The following POFUT1 variants were observed in gnomAD, a reference collection of about 807,000 sequenced individuals.
POFUT1 encodes the protein GDP-fucose protein O-fucosyltransferase 1.
A neutral mutation model predicts 42.4 loss-of-function variants in POFUT1; 16 were observed. That is an observed-to-expected ratio of 0.38 (90% CI 0.26 to 0.57). POFUT1 has a LOEUF of 0.57. POFUT1 is among the 20% of genes least tolerant of loss of function. The probability of loss-of-function intolerance (pLI) is 0.71; values close to 1 mark genes in which losing one functional copy is unlikely to be tolerated. For synonymous variants in POFUT1, 206 were observed against 205.4 expected, an observed-to-expected ratio of 1.00 and a Z score of -0.03; for missense variants, 470 against 504.6, an observed-to-expected ratio of 0.93 and a Z score of 0.66.
At chr20:32,229,429 T>C (rs1014237485) in intron 5 of POFUT1, among the ~76,000 whole-genome samples, 4 of 152,154 alleles carry the variant, frequency 2.6e-5, no homozygotes, top group Non-Finnish European at 5.9e-5. Context: ...AGAAAAATCA[T>C]ATGATCATCT....
chr20:32,217,944 A>G (rs2047371409), intron 4 of POFUT1: 1 of 157,280 alleles, frequency 6.4e-6, no homozygotes, highest in Non-Finnish European at 1.4e-5. Flanking sequence ...TCTATGTGCC[A>G]GACACTGTTC....
rs2047481786 is a variant in POFUT1, at chr20:32,238,069, G to C, written c.*3408G>C. On this transcript the variant is annotated 3_prime_UTR_variant, in exon 7 of 7. Transcript: ENST00000375749. ...TCTTAATTATAAAAAATTCTGTCGA[G>C]GAGTGTTCCATAGTTTATTGTTTTC... is the stretch of plus-strand genomic sequence containing the variant. 3.0e-6 allele frequency: 1 copy of C among 331,988 alleles called. No homozygotes were observed. The allele number at this position is 331,988 out of a possible 1,614,324, so 20.6% of individuals were successfully genotyped here. A position where few individuals can be genotyped will look rare whatever the true frequency, so the allele number is the denominator to read the frequency against.
chr20:32,210,421 A>G (rs541694914), intron 2 of POFUT1, among the ~76,000 whole-genome samples: 14 of 152,306 alleles, frequency 9.2e-5, no homozygotes, highest in Admixed American at 7.8e-4. Context: ...CTTGCCTGTG[A>G]GGAAACCGGG....
At chr20:32,226,812 A>G (rs770807684) in intron 4 of POFUT1, among the ~76,000 whole-genome samples, 2 of 152,088 alleles carry the variant, frequency 1.3e-5, no homozygotes, top group Non-Finnish European at 2.9e-5. Context: ...ATTCCATGAT[A>G]CAGAGGTACA....
At chr20:32,213,547 C>G (rs1031905296) in intron 2 of POFUT1, among the ~76,000 whole-genome samples, 1 of 149,826 alleles carries the variant, frequency 6.7e-6, no homozygotes, top group African/African-American at 2.5e-5. Context: ...CCGAGGTGGA[C>G]AGATCACGAG....
Position 32,207,964 on chromosome 20 carries a change from G to A in POFUT1, c.23G>A (p.Arg8Gln). 4 of 1,591,300 alleles carry A rather than the reference G, an allele frequency of 2.5e-6. No homozygotes were observed. The highest frequency in any genetic ancestry group is 3.4e-6 in the Non-Finnish European group (4 of 1,176,010). The change falls in exon 1 of 7, where the codon CGG becomes CAG. Residue 8 changes from arginine (R) to glutamine (Q), a missense_variant. Arg to Gln is a conservative substitution (Grantham distance 43, BLOSUM62 1). Transcript: ENST00000375749. Reference protein sequence around the residue: MGAAAWARPLSVSFLLLL... With the variant: MGAAAWAQPLSVSFLLLL... ...GACATGGGCGCCGCCGCGTGGGCAC[G>A]GCCGCTGAGCGTGTCTTTCCTGCTG... is the stretch of plus-strand genomic sequence containing the variant.
chr20:32,229,537 A>G (rs955346436), intron 5 of POFUT1, among the ~76,000 whole-genome samples: 1 of 152,224 alleles, frequency 6.6e-6, no homozygotes, highest in Non-Finnish European at 1.5e-5. Flanking sequence ...TTAACTTGAT[A>G]AAGGCTATCT....
At chr20:32,211,003 C>T (rs1400872679) in intron 2 of POFUT1, among the ~76,000 whole-genome samples, 1 of 152,194 alleles carries the variant, frequency 6.6e-6, no homozygotes, top group Non-Finnish European at 1.5e-5. Flanking sequence ...AGCCAGAGTA[C>T]CAGAGATCAT....
chr20:32,222,375 T>TGATG (rs1276139111), intron 4 of POFUT1, among the ~76,000 whole-genome samples: 2 of 152,142 alleles, frequency 1.3e-5, no homozygotes, highest in Non-Finnish European at 2.9e-5. Context: ...TATCACCTCA[T>TGATG]GGGCCAAGAT....
At chr20:32,225,552 G>C (rs199635499) in intron 4 of POFUT1, among the ~76,000 whole-genome samples, 1 of 152,124 alleles carries the variant, frequency 6.6e-6, no homozygotes. Flanking sequence ...GCAGTGGCAC[G>C]ATCATGGCTG....
intron 6 of POFUT1, among the ~76,000 whole-genome samples, chr20:32,233,734 T>A (rs1212021420): frequency 6.6e-6 from 1 of 152,162 alleles, no homozygotes; most frequent in Non-Finnish European, 1.5e-5. Context: ...AGGGGTAGAT[T>A]GGACGGACCT....
chr20:32,237,565 C>A lies in POFUT1; in HGVS notation c.*2904C>A. On this transcript the variant is annotated 3_prime_UTR_variant, in exon 7 of 7. Transcript: ENST00000375749. ...GGAGAGGCAGGCATAGGCAGGGAACCGAGCAGCAGGTCAGAGCAGGCGAGC... is the reference window on the plus strand; with the variant it reads ...GGAGAGGCAGGCATAGGCAGGGAACAGAGCAGCAGGTCAGAGCAGGCGAGC... 4.1e-6 allele frequency: 1 copy of A among 242,462 alleles called. No homozygotes were observed. The highest frequency in any genetic ancestry group is 4.9e-5 in the South Asian group (1 of 20,612). 15.0% of individuals were successfully genotyped at this position (242,462 alleles called of 1,614,324 possible). A position where few individuals can be genotyped will look rare whatever the true frequency, so the allele number is the denominator to read the frequency against.
At chr20:32,217,364 C>T (rs937894706) in intron 4 of POFUT1, 15 of 1,119,050 alleles carry the variant, frequency 1.3e-5, no homozygotes, top group Non-Finnish European at 1.6e-5. Flanking sequence ...GCAGGAAAGA[C>T]CATGGGCTTA....
intron 4 of POFUT1, 112 bp from the exon 5 acceptor site, chr20:32,228,151 G>A (rs1476118913): frequency 2.7e-6 from 2 of 740,590 alleles, no homozygotes; most frequent in Non-Finnish European, 4.3e-6. Context: ...TGTTGCAGGG[G>A]CCCCTCCGCA....
Position 32,207,974 on chromosome 20 carries a change from C to G in POFUT1, c.33C>G (p.Ser11Arg). The G allele has an allele frequency of 1.3e-6, 2 of 1,593,074 alleles. No individual in the cohort carries two copies. The highest frequency in any genetic ancestry group is 2.7e-5 in the African/African-American group (2 of 74,750). Residue 11 changes from serine to arginine, a missense_variant, in exon 1 of 7, where the codon AGC (serine) becomes AGG (arginine). Coordinates refer to ENST00000375749, the MANE Select transcript of POFUT1 (RefSeq NM_015352.2). MGAAAWARPL[S>R]VSFLLLLLPL... ...CCGCCGCGTGGGCACGGCCGCTGAGCGTGTCTTTCCTGCTGCTGCTTCTGC... is the reference window on the plus strand; with the variant it reads ...CCGCCGCGTGGGCACGGCCGCTGAGGGTGTCTTTCCTGCTGCTGCTTCTGC...
intron 1 of POFUT1, 56 bp downstream of exon 1, chr20:32,208,121 A>C (rs1258004051): frequency 6.7e-7 from 1 of 1,500,700 alleles, no homozygotes; most frequent in Non-Finnish European, 8.9e-7. Flanking sequence ...GGAGAGGAAA[A>C]GCCACTCCTC....
At chr20:32,217,287 T>C in intron 4 of POFUT1, 1 of 1,367,876 alleles carries the variant, frequency 7.3e-7, no homozygotes, top group South Asian at 1.8e-5. Context: ...GCTCTGGTTT[T>C]CTAGGAGCTA....
intron 4 of POFUT1, among the ~76,000 whole-genome samples, chr20:32,219,302 G>A (rs1600388500): frequency 6.6e-6 from 1 of 152,150 alleles, no homozygotes; most frequent in East Asian, 1.9e-4. Context: ...AGAAGGATGA[G>A]AAGGAGCCAG....
At chr20:32,216,008 A>G (rs2047358137) in intron 3 of POFUT1, among the ~76,000 whole-genome samples, 1 of 152,242 alleles carries the variant, frequency 6.6e-6, no homozygotes, top group Non-Finnish European at 1.5e-5. Flanking sequence ...CTTAACTTGA[A>G]TACCTTCCTG....
Sources: gnomAD v4.1 joint callset for allele counts (sites outside exome capture counted in the v4.1 genomes callset) on GRCh38, gnomAD v4.1.1 for gene constraint, MANE v1.5 for transcripts, NCBI Gene and HGNC (gene_info 2026-07-23, HGNC 2026-07-21) for gene names.